The following PRDM10 variants were observed in gnomAD, a reference collection of about 807,000 sequenced individuals.
PRDM10 encodes the protein PR domain zinc finger protein 10.
Under a neutral mutation model 133.1 loss-of-function variants are expected in PRDM10, and 65 were observed. The observed-to-expected ratio is 0.49, with a 90% confidence interval of 0.40 to 0.60. The LOEUF is 0.60. Among genes scored for constraint, PRDM10 ranks in the 20% least tolerant of loss-of-function variants. PRDM10 has a pLI of 0.00. For missense variants in PRDM10, 1,137 were observed against 1,507.1 expected, an observed-to-expected ratio of 0.75 and a Z score of 4.07; for synonymous variants, 582 against 580.4, an observed-to-expected ratio of 1.00 and a Z score of -0.04.
intron 1 of PRDM10, among the ~76,000 whole-genome samples, chr11:129,963,143 T>C (rs866224499): frequency 1.7e-4 from 25 of 148,236 alleles, no homozygotes; most frequent in Middle Eastern, 6.8e-3. Flanking sequence ...AGTGAGACTC[T>C]ATCTCAAAAA....
In PRDM10 at chr11:129,918,918, A is replaced by G. The variant is rs1043481322; in HGVS notation, c.2035-200T>C. Reference sequence around the variant, plus strand: ...TTCACTAGCAAATATGTGCATTCCAATGAACCTTGGTTTAAAATGACCATT... The same window carrying G: ...TTCACTAGCAAATATGTGCATTCCAGTGAACCTTGGTTTAAAATGACCATT... On this transcript the variant is annotated intron_variant, in intron 13 of 20. Coordinates refer to ENST00000360871, the MANE Select transcript of PRDM10 (RefSeq NM_199437.2). This position sits in a 1 kb window ranked among gnomAD's most constrained non-coding sequence, Gnocchi z 5.3. Among the ~76,000 whole-genome samples the G allele has an allele frequency of 3.3e-5, 5 of 152,222 alleles. No homozygotes were observed. The highest frequency in any genetic ancestry group is 1.2e-4 in the African/African-American group (5 of 41,458).
chr11:129,988,170 G>A (rs1307130067), intron 1 of PRDM10, among the ~76,000 whole-genome samples: 2 of 151,942 alleles, frequency 1.3e-5, no homozygotes, highest in African/African-American at 4.8e-5. Context: ...CAAATTAATA[G>A]ACACAAAAAA....
intron 1 of PRDM10, among the ~76,000 whole-genome samples, chr11:129,994,047 T>A (rs1178735505): frequency 6.6e-6 from 1 of 152,218 alleles, no homozygotes; most frequent in African/African-American, 2.4e-5. Context: ...CAATAAAGTT[T>A]TAGAATTTTC....
intron 7 of PRDM10, among the ~76,000 whole-genome samples, chr11:129,941,518 G>A (rs1951203991): frequency 6.6e-6 from 1 of 152,174 alleles, no homozygotes; most frequent in Non-Finnish European, 1.5e-5. Flanking sequence ...TGTAAATGAA[G>A]TTAACCGACA....
intron 11 of PRDM10, among the ~76,000 whole-genome samples, chr11:129,928,386 T>C (rs1402777279): frequency 6.6e-6 from 1 of 151,956 alleles, no homozygotes; most frequent in African/African-American, 2.4e-5. Context: ...TTTGTTGATT[T>C]GGGGTTTTGG....
At position 129,914,977 on chromosome 11, in the gene PRDM10, G is replaced by A. The variant is rs750795035; in HGVS notation, c.2568C>T (p.Phe856=). Residue 856 remains phenylalanine (F), a synonymous_variant, in exon 17 of 21, where the codon TTC becomes TTT. Coordinates refer to ENST00000360871, the MANE Select transcript of PRDM10 (RefSeq NM_199437.2). ...VQHIRKKHPE[F]AQLSNTIHTP... ...TGTGTATGGTGTTGGAGAGCTGGGC[G>A]AACTCTGGATGCTTCTTTCGAATGT... 1.1e-5 allele frequency: 18 copies of A among 1,608,080 alleles called. No individual in the cohort carries two copies. Among genetic ancestry groups the A allele is most frequent in the Middle Eastern group, 1.6e-4 (1 of 6,068 alleles).
Position 129,994,777 on chromosome 11 carries a change from G to A in PRDM10, c.-119+7945C>T, listed in dbSNP as rs188725950. On this transcript the variant is annotated intron_variant, in intron 1 of 20. Coordinates refer to ENST00000360871, the MANE Select transcript of PRDM10 (RefSeq NM_199437.2). ...TGCCATTCTCCTGCCTCATCCTCCCGAGTAGCTGGGACCACAGGTGCCCAC... is the reference window on the plus strand; with the variant it reads ...TGCCATTCTCCTGCCTCATCCTCCCAAGTAGCTGGGACCACAGGTGCCCAC... Among the ~76,000 whole-genome samples, 924 of 151,572 alleles carry A rather than the reference G, an allele frequency of 6.1e-3. 10 individuals carry two copies. Among genetic ancestry groups the A allele is most frequent in the African/African-American group, 0.021 (882 of 41,350 alleles).
At chr11:129,987,998 C>CA (rs2135985722) in intron 1 of PRDM10, among the ~76,000 whole-genome samples, 1 of 150,638 alleles carries the variant, frequency 6.6e-6, no homozygotes, top group South Asian at 2.1e-4. Context: ...GAAACTCCGT[C>CA]AAAAAAACAA....
At position 129,957,786 on chromosome 11, in the gene PRDM10, T is replaced by G. The variant is rs753620595; in HGVS notation, c.194A>C (p.Glu65Ala). 1.9e-6 allele frequency: 3 copies of G among 1,614,208 alleles called. No homozygotes were observed. The change falls in exon 3 of 21, where the codon GAG becomes GCG. Residue 65 changes from glutamate to alanine, a missense_variant. Glu to Ala is a moderately radical substitution (Grantham distance 107). This residue lies in a region of PRDM10 where 635 missense variants were observed against 835.2 expected (regional missense o/e 0.76). Transcript: ENST00000360871. Reference sequence around the variant, plus strand: ...CGGGTGGATGTACACCAGCGTGTGCTCTGGACCATCCACTGATGTGTAGGA... The same window carrying G: ...CGGGTGGATGTACACCAGCGTGTGCGCTGGACCATCCACTGATGTGTAGGA... ...GASYTSVDGP[E>A]HTLVYIHPVE...
Position 129,933,198 on chromosome 11 carries a change from A to C in PRDM10, c.1158-967T>G, listed in dbSNP as rs923177614. ...TTTTATTCTTCCACTCATCCATTTA[A>C]TAATTTAACAAATACTATATATTTT... On this transcript the variant is annotated intron_variant, in intron 9 of 20. Transcript: ENST00000360871. Among the ~76,000 whole-genome samples, 7 of 152,242 alleles carry C rather than the reference A, an allele frequency of 4.6e-5. No homozygotes were observed. The East Asian group carries it at 1.3e-3, about 29-fold the overall frequency.
intron 13 of PRDM10, among the ~76,000 whole-genome samples, chr11:129,921,477 A>G (rs896712795): frequency 5.9e-5 from 9 of 152,216 alleles, no homozygotes; most frequent in Admixed American, 4.6e-4. Flanking sequence ...AGAGGCTGGC[A>G]GGAGCCAGAT....
chr11:129,973,236 G>A (rs1206903959), intron 1 of PRDM10, among the ~76,000 whole-genome samples: 1 of 152,166 alleles, frequency 6.6e-6, no homozygotes, highest in Non-Finnish European at 1.5e-5. Flanking sequence ...CAACCTGCTA[G>A]GGTAAAAAGT....
intron 13 of PRDM10, among the ~76,000 whole-genome samples, chr11:129,921,256 G>A (rs1032670194): frequency 4.6e-5 from 7 of 152,214 alleles, no homozygotes; most frequent in Admixed American, 6.5e-5. Flanking sequence ...GTGGGAATTG[G>A]TGGGAGAAGC....
chr11:129,913,560 C>A (rs1383621020), intron 17 of PRDM10, among the ~76,000 whole-genome samples: 2 of 152,150 alleles, frequency 1.3e-5, no homozygotes, highest in Non-Finnish European at 2.9e-5. Flanking sequence ...ACCATTAACC[C>A]ACTATGACAG....
chr11:129,919,559 G>C (rs1035999134), intron 13 of PRDM10, among the ~76,000 whole-genome samples: 5 of 152,162 alleles, frequency 3.3e-5, no homozygotes, highest in Admixed American at 1.3e-4. Flanking sequence ...CTCAGCTCCT[G>C]GTTTCACTAT....
intron 1 of PRDM10, among the ~76,000 whole-genome samples, chr11:129,993,975 T>C (rs1209469068): frequency 6.6e-6 from 1 of 152,220 alleles, no homozygotes; most frequent in Non-Finnish European, 1.5e-5. Context: ...TTTACAATAT[T>C]GAATCTTCCA....
chr11:129,936,327 A>T (rs1391422423), intron 8 of PRDM10, among the ~76,000 whole-genome samples: 1 of 151,772 alleles, frequency 6.6e-6, no homozygotes, highest in Non-Finnish European at 1.5e-5. Context: ...TAATAAATAT[A>T]AAAGATTATA....
intron 4 of PRDM10, among the ~76,000 whole-genome samples, chr11:129,952,947 C>T (rs1158650523): frequency 1.3e-5 from 2 of 151,930 alleles, no homozygotes; most frequent in African/African-American, 4.8e-5. Flanking sequence ...TTTTAGATTG[C>T]ATATCTTATA....
intron 1 of PRDM10, among the ~76,000 whole-genome samples, chr11:129,991,767 C>G (rs1346174502): frequency 6.7e-6 from 1 of 150,166 alleles, no homozygotes; most frequent in Non-Finnish European, 1.5e-5. Context: ...TGCAGTGATC[C>G]GATATCGCGC....
Sources: allele counts gnomAD v4.1 joint callset (sites outside exome capture counted in the v4.1 genomes callset), GRCh38; gene constraint gnomAD v4.1.1; regional missense constraint gnomAD v4.1.1; non-coding constraint Gnocchi (gnomAD v3.1); transcripts MANE v1.5; gene names NCBI Gene and HGNC (gene_info 2026-07-23, HGNC 2026-07-21).